CEP55: variants seen among roughly 807,000 people sequenced by gnomAD.
CEP55 encodes the protein centrosomal protein 55, also known as centrosomal protein of 55 kDa.
Under a neutral mutation model 63.2 loss-of-function variants are expected in CEP55, and 57 were observed. That is an observed-to-expected ratio of 0.90 (90% CI 0.73 to 1.13). The LOEUF (loss-of-function observed/expected upper bound fraction) is 1.13. Ranked by LOEUF, CEP55 falls within the 50% of genes most tolerant of loss-of-function variation. The probability of loss-of-function intolerance (pLI) is 0.00; values close to 1 mark genes in which losing one functional copy is unlikely to be tolerated. For missense variants in CEP55, 456 were observed against 518.9 expected, an observed-to-expected ratio of 0.88 and a Z score of 1.18; for synonymous variants, 178 against 191.6, an observed-to-expected ratio of 0.93 and a Z score of 0.59.
intron 4 of CEP55, among the ~76,000 whole-genome samples, chr10:93,514,619 G>C (rs191609644): frequency 1.3e-5 from 2 of 152,238 alleles, no homozygotes; most frequent in African/African-American, 4.8e-5. Context: ...CAGAGTCCTC[G>C]TTGGGCAGCA....
At chr10:93,512,241 T>C (rs1008320250) in intron 4 of CEP55, among the ~76,000 whole-genome samples, 6 of 33,726 alleles carry the variant, frequency 1.8e-4, no homozygotes, top group Admixed American at 1.7e-3. Flanking sequence ...AAAAAAAAAA[T>C]TGGCCGGGCT....
At chr10:93,520,554 C>T (rs1319888897) in intron 8 of CEP55, among the ~76,000 whole-genome samples, 3 of 151,630 alleles carry the variant, frequency 2.0e-5, no homozygotes, top group African/African-American at 4.8e-5. Context: ...TCTTTTAAAA[C>T]ATGAACCTTT....
At chr10:93,519,615 A>G in intron 7 of CEP55, 67 bp from the exon 8 acceptor site, 3 of 1,537,108 alleles carry the variant, frequency 2.0e-6, no homozygotes, top group Non-Finnish European at 2.6e-6. Context: ...AAAAAATGTG[A>G]GCATCCAGTC....
At chr10:93,526,449 G>A (rs1447356796) in intron 8 of CEP55, among the ~76,000 whole-genome samples, 1 of 152,076 alleles carries the variant, frequency 6.6e-6, no homozygotes, top group Non-Finnish European at 1.5e-5. Flanking sequence ...GTGCTGGAGA[G>A]GATGTGGAGA....
chr10:93,511,920 G>T (rs912673895), intron 4 of CEP55, among the ~76,000 whole-genome samples: 2 of 151,248 alleles, frequency 1.3e-5, no homozygotes, highest in Non-Finnish European at 2.9e-5. Flanking sequence ...TAAAAGAAAA[G>T]AAAAATAAAA....
intron 4 of CEP55, among the ~76,000 whole-genome samples, chr10:93,508,682 C>G (rs955712139): frequency 6.6e-6 from 1 of 152,138 alleles, no homozygotes; most frequent in South Asian, 2.1e-4. Flanking sequence ...TCTTTCTGTT[C>G]CCTCTGCCTG....
chr10:93,502,359 A>C (rs1481098341), intron 2 of CEP55, among the ~76,000 whole-genome samples: 2 of 152,166 alleles, frequency 1.3e-5, no homozygotes, highest in Non-Finnish European at 2.9e-5. Flanking sequence ...ATTATTTTCA[A>C]ATGAATAACC....
chr10:93,506,490 G>A (rs1295523724), intron 3 of CEP55, among the ~76,000 whole-genome samples: 1 of 152,082 alleles, frequency 6.6e-6, no homozygotes, highest in Non-Finnish European at 1.5e-5. Context: ...AACTTCAGGG[G>A]ATCTTAATTT....
chr10:93,501,015 G>A (rs988280077), intron 2 of CEP55, among the ~76,000 whole-genome samples: 1 of 152,050 alleles, frequency 6.6e-6, no homozygotes, highest in African/African-American at 2.4e-5. Flanking sequence ...TGTGGGAGAG[G>A]AGAAAATATT....
At chr10:93,524,607 G>C (rs2057900611) in intron 8 of CEP55, among the ~76,000 whole-genome samples, 1 of 152,172 alleles carries the variant, frequency 6.6e-6, no homozygotes, top group African/African-American at 2.4e-5. Flanking sequence ...GCATCATCCT[G>C]ATACCAAAGA....
At chr10:93,502,716 G>C (rs1339027352) in intron 2 of CEP55, among the ~76,000 whole-genome samples, 1 of 152,130 alleles carries the variant, frequency 6.6e-6, no homozygotes, top group Admixed American at 6.5e-5. Context: ...AATTCATTAA[G>C]GAGCATGTAT....
At chr10:93,508,507 G>A (rs10748602) in intron 4 of CEP55, among the ~76,000 whole-genome samples, 115,433 of 151,796 alleles carry the variant, frequency 0.76, 45,419 homozygotes, top group South Asian at 0.87. Context: ...AAAAGGAAAA[G>A]TTCTATGTCT....
intron 4 of CEP55, among the ~76,000 whole-genome samples, chr10:93,511,218 C>T (rs1564764257): frequency 6.6e-6 from 1 of 152,052 alleles, no homozygotes; most frequent in Non-Finnish European, 1.5e-5. Context: ...GGATTACAGG[C>T]GTGAGCCACC....
intron 6 of CEP55, among the ~76,000 whole-genome samples, chr10:93,518,294 T>G (rs2057824489): frequency 6.6e-6 from 1 of 152,070 alleles, no homozygotes; most frequent in Non-Finnish European, 1.5e-5. Context: ...GGATTACAGG[T>G]GCCCACCACC....
At chr10:93,519,910 A>G in intron 8 of CEP55, 103 bp downstream of exon 8, 1 of 1,270,756 alleles carries the variant, frequency 7.9e-7, no homozygotes, top group Non-Finnish European at 1.1e-6. Context: ...AGCTAGCTGT[A>G]TCTCAAATCA....
At chr10:93,513,937 G>GC (rs367660156) in intron 4 of CEP55, among the ~76,000 whole-genome samples, 2,108 of 149,316 alleles carry the variant, frequency 0.014, 44 homozygotes, top group East Asian at 0.081. Flanking sequence ...CATCTGCAAA[G>GC]CCTCCCCCTC....
chr10:93,522,460 A>G (rs1645914593), intron 8 of CEP55, among the ~76,000 whole-genome samples: 2 of 152,256 alleles, frequency 1.3e-5, no homozygotes, highest in South Asian at 4.1e-4. Context: ...TCTATGTCTG[A>G]CTGGTGTACC....
intron 8 of CEP55, among the ~76,000 whole-genome samples, chr10:93,524,887 C>A (rs1317577742): frequency 6.6e-6 from 1 of 152,170 alleles, no homozygotes; most frequent in Non-Finnish European, 1.5e-5. Flanking sequence ...CAAAATTCAA[C>A]AGCCCTTCAT....
At chr10:93,523,459 A>C (rs553619373) in intron 8 of CEP55, among the ~76,000 whole-genome samples, 1 of 152,306 alleles carries the variant, frequency 6.6e-6, no homozygotes, top group East Asian at 1.9e-4. Context: ...GAGACCTAAA[A>C]AGAGACTTAG....
Sources: allele counts gnomAD v4.1 joint callset (sites outside exome capture counted in the v4.1 genomes callset), GRCh38; gene constraint gnomAD v4.1.1; transcripts MANE v1.5; gene names NCBI Gene and HGNC (gene_info 2026-07-23, HGNC 2026-07-21).